PPFIBP1: variants seen among roughly 807,000 people sequenced by gnomAD.
PPFIBP1 encodes the protein PPFIB scaffold protein 1.
Under a neutral mutation model 137.8 loss-of-function variants are expected in PPFIBP1, and 112 were observed. The observed-to-expected ratio is 0.81, with a 90% CI of 0.70 to 0.95. The LOEUF is 0.95. PPFIBP1 is among the 40% of genes least tolerant of loss of function. The pLI is 0.00. For synonymous variants in PPFIBP1, 378 were observed against 417.3 expected, an observed-to-expected ratio of 0.91 and a Z score of 1.15; for missense variants, 1,083 against 1,196.6, an observed-to-expected ratio of 0.91 and a Z score of 1.40.
intron 1 of PPFIBP1, among the ~76,000 whole-genome samples, chr12:27,549,732 G>A (rs1002104029): frequency 6.6e-6 from 1 of 152,178 alleles, no homozygotes. Flanking sequence ...TCCTAGGAAA[G>A]TGGCAGTTCC....
At chr12:27,626,606 G>C (rs1374880839) in intron 2 of PPFIBP1, among the ~76,000 whole-genome samples, 1 of 151,634 alleles carries the variant, frequency 6.6e-6, no homozygotes, top group Non-Finnish European at 1.5e-5. Flanking sequence ...TCACTCTATC[G>C]CCCAGGCTGG....
chr12:27,597,120 A>G (rs184458134), intron 2 of PPFIBP1, among the ~76,000 whole-genome samples: 135 of 152,248 alleles, frequency 8.9e-4, no homozygotes, highest in African/African-American at 2.6e-3. Context: ...CTGGCTAACA[A>G]TGGTGTCCAT....
intron 2 of PPFIBP1, chr12:27,593,603 T>C: frequency 2.4e-6 from 1 of 423,126 alleles, no homozygotes; most frequent in Non-Finnish European, 4.5e-6. Context: ...CTTCATTGTC[T>C]TTCAGATTTT....
At chr12:27,600,795 G>A (rs2053896410) in intron 2 of PPFIBP1, among the ~76,000 whole-genome samples, 1 of 151,990 alleles carries the variant, frequency 6.6e-6, no homozygotes, top group Admixed American at 6.6e-5. Flanking sequence ...CTACTGAACT[G>A]TACAGTTAAA....
chr12:27,582,324 T>G (rs2051218911), intron 2 of PPFIBP1, among the ~76,000 whole-genome samples: 1 of 152,206 alleles, frequency 6.6e-6, no homozygotes, highest in South Asian at 2.1e-4. Flanking sequence ...GTATCTCTGA[T>G]GACTTTTAAA....
Position 27,592,892 on chromosome 12 carries a change from C to T in PPFIBP1, c.-36+14653C>T. On this transcript the variant is annotated intron_variant, in intron 2 of 29. Transcript: ENST00000228425. ...CGATGGCTCACACCTGTAGTATCAG[C>T]ACTTTGGGAGGCCGAGGCATGTGGA... 3 of 465,674 alleles carry T rather than the reference C, an allele frequency of 6.4e-6. No individual in the cohort carries two copies. The South Asian group carries it at 8.0e-5, about 12-fold the overall frequency. 28.8% of individuals were successfully genotyped at this position (465,674 alleles called of 1,614,324 possible).
At chr12:27,582,017 T>TTAGAAGC (rs751947209) in intron 2 of PPFIBP1, among the ~76,000 whole-genome samples, 1 of 151,866 alleles carries the variant, frequency 6.6e-6, no homozygotes, top group Non-Finnish European at 1.5e-5. Context: ...TTGTGGGCTG[T>TTAGAAGC]TAGAAGCTAT....
At chr12:27,545,954 A>C (rs1288789118) in intron 1 of PPFIBP1, among the ~76,000 whole-genome samples, 1 of 152,218 alleles carries the variant, frequency 6.6e-6, no homozygotes, top group Non-Finnish European at 1.5e-5. Context: ...GCTGTACTTC[A>C]GAAGCTATAG....
intron 2 of PPFIBP1, among the ~76,000 whole-genome samples, chr12:27,588,089 T>G (rs1235791776): frequency 6.6e-6 from 1 of 152,236 alleles, no homozygotes; most frequent in Non-Finnish European, 1.5e-5. Context: ...ATCTAACTGT[T>G]GGTGTCCTCA....
intron 1 of PPFIBP1, among the ~76,000 whole-genome samples, chr12:27,534,583 A>T (rs1944783737): frequency 6.6e-6 from 1 of 152,180 alleles, no homozygotes; most frequent in Admixed American, 6.5e-5. Flanking sequence ...AGAGAATGAA[A>T]TTAGACAAAG....
At chr12:27,570,428 A>G (rs919895529) in intron 1 of PPFIBP1, among the ~76,000 whole-genome samples, 7 of 152,198 alleles carry the variant, frequency 4.6e-5, no homozygotes, top group African/African-American at 1.7e-4. Flanking sequence ...AGGCTGATTG[A>G]TTTCAAATTC....
Position 27,646,068 on chromosome 12 carries a change from G to T in PPFIBP1, c.277G>T (p.Gly93Ter), listed in dbSNP as rs1177058769. The T allele has an allele frequency of 1.2e-6, 2 of 1,603,746 alleles. No homozygotes were observed. Among genetic ancestry groups the T allele is most frequent in the Non-Finnish European group, 1.7e-6 (2 of 1,171,996 alleles). ...ATATTACTTCCTTTTTCAGACAAAT[G>T]GACACCTACCAGGGAACGGAGATGT... ...VEWLQSQMTN[G>*]HLPGNGDVYQ... Residue 93 changes from glycine to a stop codon, truncating the protein, a stop_gained, in exon 5 of 30, where the codon GGA becomes TGA. Coordinates refer to ENST00000228425, the MANE Select transcript of PPFIBP1 (RefSeq NM_003622.4). LOFTEE classifies it high-confidence loss of function.
chr12:27,543,466 T>C (rs1945879902), intron 1 of PPFIBP1, among the ~76,000 whole-genome samples: 1 of 152,240 alleles, frequency 6.6e-6, no homozygotes, highest in African/African-American at 2.4e-5. Flanking sequence ...AGGGTTAACA[T>C]TCTTACATCT....
chr12:27,639,601 T>C (rs1390556175), intron 4 of PPFIBP1, among the ~76,000 whole-genome samples: 1 of 152,088 alleles, frequency 6.6e-6, no homozygotes, highest in African/African-American at 2.4e-5. Context: ...ACAAAGTGAG[T>C]GAAATACTAA....
chr12:27,634,351 A>G (rs1220089380), intron 3 of PPFIBP1, among the ~76,000 whole-genome samples: 1 of 151,968 alleles, frequency 6.6e-6, no homozygotes, highest in Non-Finnish European at 1.5e-5. Flanking sequence ...TACCTTCCCA[A>G]TTCTTTGCTA....
chr12:27,559,501 A>G (rs1217506566), intron 1 of PPFIBP1, among the ~76,000 whole-genome samples: 1 of 152,206 alleles, frequency 6.6e-6, no homozygotes, highest in Non-Finnish European at 1.5e-5. Context: ...ATGAGTATGT[A>G]TGATATTCTC....
intron 4 of PPFIBP1, among the ~76,000 whole-genome samples, chr12:27,644,079 G>C (rs1217259836): frequency 1.3e-5 from 2 of 151,712 alleles, no homozygotes; most frequent in African/African-American, 2.4e-5. Flanking sequence ...AGATCAGTTT[G>C]TTTGTTTGTT....
chr12:27,547,707 T>G (rs1323816552), intron 1 of PPFIBP1: 3 of 152,368 alleles, frequency 2.0e-5, no homozygotes, highest in African/African-American at 4.8e-5. Flanking sequence ...TGGATGGTTC[T>G]TCAGAGCTGT....
chr12:27,578,952 T>C (rs1259624578), intron 2 of PPFIBP1, among the ~76,000 whole-genome samples: 1 of 152,242 alleles, frequency 6.6e-6, no homozygotes, highest in Non-Finnish European at 1.5e-5. Context: ...GAGTGTGAAC[T>C]GTCTGACTTT....
Sources: allele counts gnomAD v4.1 joint callset (sites outside exome capture counted in the v4.1 genomes callset), GRCh38; gene constraint gnomAD v4.1.1; transcripts MANE v1.5; gene names NCBI Gene and HGNC (gene_info 2026-07-23, HGNC 2026-07-21).